DPYD: variants seen among roughly 807,000 people sequenced by gnomAD.
The protein encoded by DPYD is dihydropyrimidine dehydrogenase, also known as dihydropyrimidine dehydrogenase [NADP(+)].
In DPYD, 109 loss-of-function variants were observed where a neutral mutation model predicts 116.2. That is an observed-to-expected ratio of 0.94 (90% CI 0.80 to 1.10). DPYD has a LOEUF of 1.10. DPYD is among the 50% of genes least tolerant of loss of function. The probability of loss-of-function intolerance (pLI) is 0.00; values close to 1 mark genes in which losing one functional copy is unlikely to be tolerated. For missense variants in DPYD, 1,302 were observed against 1,254.5 expected (o/e 1.04, Z -0.57); for synonymous variants, 440 against 432.0 (o/e 1.02, Z -0.23).
rs192503629 is a variant in DPYD at position 97,880,176 on chromosome 1, A to C, written c.150+3088T>G. On this transcript the variant is annotated intron_variant, in intron 2 of 22. Coordinates refer to ENST00000370192, the MANE Select transcript of DPYD (RefSeq NM_000110.4). ...TAACCAATGTAGTGACTATTTTAAA[A>C]GAAAGAAAGAGAGTTTGAGCTCTGG... Among the ~76,000 whole-genome samples, 10 of 152,026 alleles carry C rather than the reference A, an allele frequency of 6.6e-5. No individual in the cohort carries two copies. The East Asian group carries it at 1.9e-3, about 30-fold the overall frequency.
At chr1:97,154,935 A>G (rs1187042722) in intron 20 of DPYD, among the ~76,000 whole-genome samples, 2 of 152,084 alleles carry the variant, frequency 1.3e-5, no homozygotes, top group Non-Finnish European at 2.9e-5. Context: ...ATAAAAACAA[A>G]AACACGTGTC....
At chr1:97,336,371 C>G (rs1457025025) in intron 16 of DPYD, among the ~76,000 whole-genome samples, 2 of 152,188 alleles carry the variant, frequency 1.3e-5, no homozygotes, top group African/African-American at 4.8e-5. Flanking sequence ...AACCACCAGG[C>G]ATCAAACCTG....
At chr1:97,314,490 CTTTTTTTTTT>C (rs66629750) in intron 16 of DPYD, among the ~76,000 whole-genome samples, 1 of 123,414 alleles carries the variant, frequency 8.1e-6, no homozygotes, top group Non-Finnish European at 1.6e-5. Context: ...CTAAAGCTTT[CTTTTTTTTTT>C]TTTTTTTTTT....
At chr1:97,348,318 C>T (rs61787982) in intron 16 of DPYD, among the ~76,000 whole-genome samples, 4 of 152,066 alleles carry the variant, frequency 2.6e-5, no homozygotes, top group Non-Finnish European at 4.4e-5. Flanking sequence ...TGAATGCTGT[C>T]GAATCGTAAT....
chr1:97,268,890 G>C (rs1392048363), intron 18 of DPYD, among the ~76,000 whole-genome samples: 2 of 152,136 alleles, frequency 1.3e-5, no homozygotes, highest in African/African-American at 2.4e-5. Flanking sequence ...CACACACTTA[G>C]TATTCCCTCC....
At chr1:97,343,475 G>T (rs1477145578) in intron 16 of DPYD, among the ~76,000 whole-genome samples, 1 of 152,006 alleles carries the variant, frequency 6.6e-6, no homozygotes, top group African/African-American at 2.4e-5. Flanking sequence ...TGTAGTATAA[G>T]AAATCATGCT....
At chr1:97,411,879 A>G (rs1674015202) in intron 14 of DPYD, among the ~76,000 whole-genome samples, 1 of 152,216 alleles carries the variant, frequency 6.6e-6, no homozygotes, top group African/African-American at 2.4e-5. Flanking sequence ...TACTATAAAA[A>G]TAAAACAGAG....
chr1:97,098,140 C>T (rs1230841192), intron 21 of DPYD, among the ~76,000 whole-genome samples: 1 of 152,028 alleles, frequency 6.6e-6, no homozygotes, highest in Non-Finnish European at 1.5e-5. Flanking sequence ...AGTTGTACTA[C>T]ATGACTAATA....
chr1:97,478,107 C>T (rs528513087), intron 13 of DPYD, among the ~76,000 whole-genome samples: 1 of 152,276 alleles, frequency 6.6e-6, no homozygotes, highest in South Asian at 2.1e-4. Context: ...ACATTAATCT[C>T]CTTGTACATC....
chr1:97,441,190 A>C (rs1304782785), intron 14 of DPYD, among the ~76,000 whole-genome samples: 1 of 151,660 alleles, frequency 6.6e-6, no homozygotes, highest in Non-Finnish European at 1.5e-5. Flanking sequence ...TTATGCTTGG[A>C]GTTGATGAAG....
chr1:97,162,289 T>C (rs963805149), intron 20 of DPYD, among the ~76,000 whole-genome samples: 4 of 152,138 alleles, frequency 2.6e-5, no homozygotes, highest in African/African-American at 7.2e-5. Flanking sequence ...TGGTATCTCA[T>C]TGTGGTTTTG....
At chr1:97,911,262 A>G (rs1355522426) in intron 1 of DPYD, among the ~76,000 whole-genome samples, 1 of 152,066 alleles carries the variant, frequency 6.6e-6, no homozygotes, top group Non-Finnish European at 1.5e-5. Context: ...TTAAGCATAA[A>G]GGATGCTTAA....
intron 8 of DPYD, among the ~76,000 whole-genome samples, chr1:97,635,575 T>C (rs1050943143): frequency 6.6e-6 from 1 of 152,188 alleles, no homozygotes; most frequent in African/African-American, 2.4e-5. Context: ...ATTAAATACA[T>C]GGATGCATTT....
At chr1:97,849,589 G>T (rs997423096) in intron 2 of DPYD, among the ~76,000 whole-genome samples, 1 of 151,486 alleles carries the variant, frequency 6.6e-6, no homozygotes, top group African/African-American at 2.4e-5. Context: ...ACAGAGCCTA[G>T]ATGTGAACCT....
intron 5 of DPYD, among the ~76,000 whole-genome samples, chr1:97,717,411 T>C (rs1662674955): frequency 6.6e-6 from 1 of 152,108 alleles, no homozygotes; most frequent in Non-Finnish European, 1.5e-5. Context: ...TTCCATTCTC[T>C]TTTTTGGCTT....
intron 12 of DPYD, chr1:97,546,166 CA>C: frequency 6.9e-7 from 1 of 1,443,518 alleles, no homozygotes; most frequent in African/African-American, 1.4e-5. Context: ...GAGGAACAGC[CA>C]GCAGAAGATG....
intron 20 of DPYD, among the ~76,000 whole-genome samples, chr1:97,172,928 C>T (rs1656837985): frequency 6.6e-6 from 1 of 152,128 alleles, no homozygotes; most frequent in African/African-American, 2.4e-5. Flanking sequence ...TCATCTGTTG[C>T]CTCCCAACTG....
At chr1:97,514,402 T>A (rs1182026020) in intron 13 of DPYD, among the ~76,000 whole-genome samples, 1 of 151,902 alleles carries the variant, frequency 6.6e-6, no homozygotes, top group Non-Finnish European at 1.5e-5. Context: ...TATTTCGGTT[T>A]ACATATATGT....
chr1:97,232,157 G>C (rs1661624880), intron 19 of DPYD, among the ~76,000 whole-genome samples: 1 of 151,978 alleles, frequency 6.6e-6, no homozygotes, highest in Non-Finnish European at 1.5e-5. Context: ...TTGATTTCTG[G>C]CTCATTTCTG....
Sources: gnomAD v4.1 joint callset for allele counts (sites outside exome capture counted in the v4.1 genomes callset) on GRCh38, gnomAD v4.1.1 for gene constraint, MANE v1.5 for transcripts, NCBI Gene and HGNC (gene_info 2026-07-23, HGNC 2026-07-21) for gene names.